The following PMPCB variants were observed in gnomAD, a reference collection of about 807,000 sequenced individuals.
PMPCB encodes the protein peptidase, mitochondrial processing subunit beta.
Under a neutral mutation model 61.5 loss-of-function variants are expected in PMPCB, and 46 were observed. The observed-to-expected ratio is 0.75, with a 90% CI of 0.59 to 0.96. The LOEUF (loss-of-function observed/expected upper bound fraction) is 0.96. PMPCB is among the 40% of genes least tolerant of loss of function. The pLI, the probability that PMPCB is intolerant of heterozygous loss-of-function variation, is 0.00. For missense variants in PMPCB, 590 were observed against 602.4 expected (o/e 0.98, Z 0.22); for synonymous variants, 191 against 201.6 (o/e 0.95, Z 0.44).
rs574394532 is a variant in PMPCB at position 103,325,391 on chromosome 7, T to A, written c.*1432-3540T>A. On this transcript the variant is annotated intron_variant and NMD_transcript_variant, in intron 12 of 12. Transcript: ENST00000444457. ...GGCAGAGGTTGCGGTGAGCCGAGAT[T>A]GTGCCACTGCACTCCAGCCTTGGCA... Among the ~76,000 whole-genome samples, 30 of 151,774 alleles carry A rather than the reference T, an allele frequency of 2.0e-4. No homozygotes were observed. In the South Asian group the frequency reaches 3.3e-3, roughly 17 times the overall value.
chr7:103,310,448 A>C lies in PMPCB; in HGVS notation c.1127A>C (p.Asp376Ala). 6.2e-7 allele frequency: 1 copy of C among 1,610,542 alleles called. No individual in the cohort carries two copies. The highest frequency in any genetic ancestry group is 8.5e-7 in the Non-Finnish European group (1 of 1,178,830). ...YMVCESSTVADMLHVVQKEWM... is the reference protein window; with the variant it reads ...YMVCESSTVAAMLHVVQKEWM... ...GTTTGTGAATCATCCACTGTTGCAGACATGCTACATGTTGTTCAAAAAGAA... is the reference window on the plus strand; with the variant it reads ...GTTTGTGAATCATCCACTGTTGCAGCCATGCTACATGTTGTTCAAAAAGAA... The change falls in exon 9 of 13, where the codon GAC becomes GCC. Residue 376 changes from aspartate (D) to alanine (A), a missense_variant. By Grantham distance (126) the Asp-to-Ala change is moderately radical. Transcript: ENST00000249269.
At chr7:103,302,676 G>C (rs1177478403) in intron 4 of PMPCB, among the ~76,000 whole-genome samples, 1 of 152,170 alleles carries the variant, frequency 6.6e-6, no homozygotes, top group Non-Finnish European at 1.5e-5. Flanking sequence ...AACATAATCA[G>C]TTCTGAGACA....
chr7:103,297,665 C>T (rs991181670), intron 1 of PMPCB, 107 bp downstream of exon 1: 3 of 1,550,450 alleles, frequency 1.9e-6, no homozygotes, highest in Admixed American at 1.9e-5. Flanking sequence ...GGCAGGGCCT[C>T]CTCGACCCGG....
At chr7:103,327,719 G>A (rs142613787) in intron 12 of PMPCB, 23 of 1,613,286 alleles carry the variant, frequency 1.4e-5, no homozygotes, top group South Asian at 6.6e-5. Context: ...GCTGCTTTCC[G>A]TTTGTCTGGG....
chr7:103,300,049 G>A, intron 3 of PMPCB, 129 bp from the exon 4 acceptor site: 1 of 781,330 alleles, frequency 1.3e-6, no homozygotes, highest in Non-Finnish European at 2.1e-6. Context: ...TACCATACCT[G>A]ATGTACTTTA....
Position 103,312,420 on chromosome 7 carries a change from G to A in PMPCB, c.*149G>A. ...TAAAAAGACTACCCCTCTGAAGGTT[G>A]TTTTGTATTAATGGTCAGTCTTTGT... On this transcript the variant is annotated 3_prime_UTR_variant, in exon 13 of 13. Transcript: ENST00000249269. 2 of 1,508,788 alleles carry A rather than the reference G, an allele frequency of 1.3e-6. No individual in the cohort carries two copies. Among genetic ancestry groups the A allele is most frequent in the South Asian group, 1.3e-5 (1 of 75,834 alleles). 93.5% of individuals were successfully genotyped at this position (1,508,788 alleles called of 1,614,324 possible).
At position 103,314,157 on chromosome 7, in the gene PMPCB, T is replaced by C; in HGVS notation, c.*1886T>C. 1 of 985,462 alleles carries C rather than the reference T, an allele frequency of 1.0e-6. No homozygotes were observed. Among genetic ancestry groups the C allele is most frequent in the Non-Finnish European group, 1.2e-6 (1 of 829,932 alleles). 61.0% of individuals were successfully genotyped at this position (985,462 alleles called of 1,614,324 possible). A position where few individuals can be genotyped will look rare whatever the true frequency, so the allele number is the denominator to read the frequency against. On this transcript the variant is annotated 3_prime_UTR_variant, in exon 13 of 13. Coordinates refer to ENST00000249269, the MANE Select transcript of PMPCB (RefSeq NM_004279.3). ...CTTTTAAGTTCTAGGAAGTCTTTTG[T>C]TGAATTTCCTTGTATTGGTTTAAAG... is the stretch of plus-strand genomic sequence containing the variant.
At position 103,312,591 on chromosome 7, in the gene PMPCB, TTC is replaced by T; in HGVS notation, c.*321_*322del. On this transcript the variant is annotated 3_prime_UTR_variant, in exon 13 of 13. Transcript: ENST00000249269. ...TTGTCATTTCTTGGCTCTACTTGCATTCAGCACTTGTTCTTGAGCAGCTTTCT... is the reference window on the plus strand; with the variant it reads ...TTGTCATTTCTTGGCTCTACTTGCATAGCACTTGTTCTTGAGCAGCTTTCT... 6.2e-7 allele frequency: 1 copy of T among 1,613,462 alleles called. No individual in the cohort carries two copies. Among genetic ancestry groups the T allele is most frequent in the South Asian group, 1.1e-5 (1 of 90,902 alleles).
rs535872490 is a variant in PMPCB, at chr7:103,301,849, C to T, written c.457+1542C>T. 5.9e-5 allele frequency among the ~76,000 whole-genome samples: 9 copies of T among 151,996 alleles called. No homozygotes were observed. The South Asian group carries it at 1.0e-3, about 18-fold the overall frequency. On this transcript the variant is annotated intron_variant, in intron 4 of 12. Coordinates refer to ENST00000249269, the MANE Select transcript of PMPCB (RefSeq NM_004279.3). ...TAAGTTCTAGGGTACATGTGTACAACGTGCAGGTTTGTTACATATGTATTC... is the reference window on the plus strand; with the variant it reads ...TAAGTTCTAGGGTACATGTGTACAATGTGCAGGTTTGTTACATATGTATTC...
chr7:103,326,698 T>C, intron 12 of PMPCB: 1 of 1,597,328 alleles, frequency 6.3e-7, no homozygotes. Flanking sequence ...AGAAAAAAAT[T>C]GTTAAGATCA....
chr7:103,329,345 A>G (rs1563468159), exon 13 of PMPCB: 1 of 156,602 alleles, frequency 6.4e-6, no homozygotes, highest in African/African-American at 2.4e-5. Context: ...ACTTGCTCAA[A>G]CTTCCGGCCA....
At chr7:103,308,058 G>GT (rs1563448317) in intron 7 of PMPCB, among the ~76,000 whole-genome samples, 1 of 152,124 alleles carries the variant, frequency 6.6e-6, no homozygotes, top group African/African-American at 2.4e-5. Flanking sequence ...TTTAAACCCC[G>GT]TATTTTGACT....
chr7:103,299,436 C>T lies in PMPCB; in HGVS notation c.241-7C>T, dbSNP rs376139529. 1 of 1,537,918 alleles carries T rather than the reference C, an allele frequency of 6.5e-7. No homozygotes were observed. The highest frequency in any genetic ancestry group is 1.7e-5 in the Admixed American group (1 of 57,442). ...AATTTATTTAATTGTTCTTTGATTGCATTAAGGTTGGACTCTGGATTGATG... is the reference window on the plus strand; with the variant it reads ...AATTTATTTAATTGTTCTTTGATTGTATTAAGGTTGGACTCTGGATTGATG... On this transcript the variant is annotated splice_polypyrimidine_tract_variant and splice_region_variant and intron_variant, in intron 2 of 12. Coordinates refer to ENST00000249269, the MANE Select transcript of PMPCB (RefSeq NM_004279.3).
At chr7:103,337,416 A>G in the PMPCB span, 1 of 205,040 alleles carries the variant, frequency 4.9e-6, no homozygotes, top group Non-Finnish European at 9.7e-6. Flanking sequence ...AGTATCCACT[A>G]AGTGCAGCTG....
At chr7:103,337,744 T>C in the PMPCB span, 1 of 1,613,148 alleles carries the variant, frequency 6.2e-7, no homozygotes, top group South Asian at 1.1e-5. Flanking sequence ...ACGAGCTGCT[T>C]TGATCTGTCT....
chr7:103,333,324 A>G (rs2116001321), downstream of PMPCB, among the ~76,000 whole-genome samples: 1 of 152,326 alleles, frequency 6.6e-6, no homozygotes, highest in East Asian at 1.9e-4. Flanking sequence ...AAGGCAATGA[A>G]TTTACTTAAG....
At chr7:103,300,735 A>G (rs866971752) in intron 4 of PMPCB, among the ~76,000 whole-genome samples, 1 of 152,208 alleles carries the variant, frequency 6.6e-6, no homozygotes, top group Non-Finnish European at 1.5e-5. Flanking sequence ...CCTAGGCTGG[A>G]GTGCAGTGGT....
the PMPCB span, among the ~76,000 whole-genome samples, chr7:103,339,485 A>T: frequency 3.3e-5 from 5 of 152,130 alleles, no homozygotes; most frequent in African/African-American, 1.2e-4. Flanking sequence ...TTACACTTTG[A>T]TCCTACTTCA....
chr7:103,307,980 T>G (rs1392974294), intron 7 of PMPCB, among the ~76,000 whole-genome samples: 1 of 152,266 alleles, frequency 6.6e-6, no homozygotes, highest in Non-Finnish European at 1.5e-5. Flanking sequence ...CAGTTTATAA[T>G]TTGGTCTTTT....
Sources: gnomAD v4.1 joint callset for allele counts (sites outside exome capture counted in the v4.1 genomes callset) on GRCh38, gnomAD v4.1.1 for gene constraint, MANE v1.5 for transcripts, NCBI Gene and HGNC (gene_info 2026-07-23, HGNC 2026-07-21) for gene names.